Variants in DNAAF11 observed in about 807,000 individuals in gnomAD.
DNAAF11 encodes the protein dynein axonemal assembly factor 11.
DNAAF11 carries 45 observed loss-of-function variants against 60.8 expected under a neutral mutation model. That is an observed-to-expected ratio of 0.74 (90% CI 0.58 to 0.95). The LOEUF is 0.95. Ranked by LOEUF, DNAAF11 falls within the 40% of genes least tolerant of loss-of-function variation. The pLI is 0.00. For missense variants in DNAAF11, 546 were observed against 546.2 expected, an observed-to-expected ratio of 1.00 and a Z score of 0.00; for synonymous variants, 191 against 183.5, an observed-to-expected ratio of 1.04 and a Z score of -0.33.
At chr8:132,678,295 C>T (rs953915439), upstream of DNAAF11, among the ~76,000 whole-genome samples, 14 of 152,178 alleles carry the variant, frequency 9.2e-5, no homozygotes, top group African/African-American at 2.9e-4. Flanking sequence ...ATAAACCTAA[C>T]AATGCTGTAC....
At chr8:132,628,376 C>T (rs1563647966) in intron 5 of DNAAF11, among the ~76,000 whole-genome samples, 1 of 151,962 alleles carries the variant, frequency 6.6e-6, no homozygotes, top group Non-Finnish European at 1.5e-5. Context: ...TGCGCCATTG[C>T]ACTCCAGCCT....
rs1358268283 is a variant in DNAAF11 at position 132,571,064 on chromosome 8, C to G, written c.*1242G>C. Among the ~76,000 whole-genome samples the G allele has an allele frequency of 6.6e-6, 1 of 152,172 alleles. No homozygotes were observed. The highest frequency in any genetic ancestry group is 2.4e-5 in the African/African-American group (1 of 41,446). On this transcript the variant is annotated 3_prime_UTR_variant, in exon 12 of 12. Transcript: ENST00000620350. ...CCTATAACCAGTCCCTCATTCTCAT[C>G]ATATTTTTTTCTAACTGATGCATTT...
At chr8:132,633,587 T>C (rs1586642459) in intron 4 of DNAAF11, among the ~76,000 whole-genome samples, 1 of 152,138 alleles carries the variant, frequency 6.6e-6, no homozygotes, top group Non-Finnish European at 1.5e-5. Context: ...TAGGAAGGGG[T>C]GGTTGGAAGA....
At chr8:132,594,059 G>T (rs1050455781) in intron 10 of DNAAF11, among the ~76,000 whole-genome samples, 1 of 152,080 alleles carries the variant, frequency 6.6e-6, no homozygotes, top group Non-Finnish European at 1.5e-5. Context: ...CAAAACTTCT[G>T]CTTATTATAC....
At chr8:132,614,406 A>G (rs758510565) in intron 8 of DNAAF11, among the ~76,000 whole-genome samples, 3 of 152,232 alleles carry the variant, frequency 2.0e-5, no homozygotes, top group Non-Finnish European at 4.4e-5. Context: ...AATGAGGCAG[A>G]GTGACCTGCT....
intron 1 of DNAAF11, among the ~76,000 whole-genome samples, chr8:132,664,754 T>C (rs1824464521): frequency 6.6e-6 from 1 of 151,988 alleles, no homozygotes; most frequent in African/African-American, 2.4e-5. Flanking sequence ...TGTGAGCCAC[T>C]GCGACCAACC....
At chr8:132,666,158 G>T (rs1824605961) in intron 1 of DNAAF11, among the ~76,000 whole-genome samples, 1 of 152,154 alleles carries the variant, frequency 6.6e-6, no homozygotes. Flanking sequence ...TCACTGTTTG[G>T]GTTAGGGGTT....
At chr8:132,699,747 G>C in the DNAAF11 span, among the ~76,000 whole-genome samples, 1 of 152,050 alleles carries the variant, frequency 6.6e-6, no homozygotes, top group Non-Finnish European at 1.5e-5. Flanking sequence ...CCAAACAGTG[G>C]ACTATTATTC....
chr8:132,600,677 G>T (rs1385090818), intron 10 of DNAAF11, among the ~76,000 whole-genome samples: 1 of 152,142 alleles, frequency 6.6e-6, no homozygotes, highest in African/African-American at 2.4e-5. Flanking sequence ...ATGGGGAAAG[G>T]ATTCCCTATT....
intron 3 of DNAAF11, among the ~76,000 whole-genome samples, chr8:132,638,534 T>C (rs551833865): frequency 2.6e-5 from 4 of 152,308 alleles, no homozygotes; most frequent in Non-Finnish European, 5.9e-5. Context: ...GTGGGACATA[T>C]TTCATCTTGG....
At chr8:132,678,152 T>A (rs1482873022), upstream of DNAAF11, among the ~76,000 whole-genome samples, 1 of 152,162 alleles carries the variant, frequency 6.6e-6, no homozygotes, top group Non-Finnish European at 1.5e-5. Context: ...ACCCTTTAAA[T>A]TATCAGGCCC....
At chr8:132,701,163 T>C in the DNAAF11 span, among the ~76,000 whole-genome samples, 1 of 152,156 alleles carries the variant, frequency 6.6e-6, no homozygotes, top group East Asian at 1.9e-4. Flanking sequence ...ACTGTTACAA[T>C]GGCAATTACA....
the DNAAF11 span, among the ~76,000 whole-genome samples, chr8:132,688,653 T>C: frequency 6.6e-6 from 1 of 152,080 alleles, no homozygotes; most frequent in South Asian, 2.1e-4. Context: ...ACCACTGAAG[T>C]AGAGAAGCCT....
At position 132,661,533 on chromosome 8, in the gene DNAAF11, T is replaced by C; in HGVS notation, c.105A>G (p.Arg35=). Residue 35 remains arginine, a synonymous_variant, in exon 2 of 12, where the codon AGA becomes AGG. Coordinates refer to ENST00000620350, the MANE Select transcript of DNAAF11 (RefSeq NM_012472.6). ...GGCACCATTTATCAATGTGTTCTAG[T>C]CTTTCTATTTCTTGCTGATGCAACG... ...ELSLHQQEIE[R]LEHIDKWCRD... 6.2e-7 allele frequency: 1 copy of C among 1,613,804 alleles called. No individual in the cohort carries two copies. Among genetic ancestry groups the C allele is most frequent in the Non-Finnish European group, 8.5e-7 (1 of 1,179,680 alleles).
At chr8:132,693,361 C>T in the DNAAF11 span, among the ~76,000 whole-genome samples, 1 of 152,038 alleles carries the variant, frequency 6.6e-6, no homozygotes, top group African/African-American at 2.4e-5. Context: ...AGAATACATA[C>T]ATGTGTATGT....
At chr8:132,589,451 G>A (rs1006928388) in intron 10 of DNAAF11, among the ~76,000 whole-genome samples, 4 of 152,142 alleles carry the variant, frequency 2.6e-5, no homozygotes, top group South Asian at 2.1e-4. Flanking sequence ...TTTTACACAC[G>A]TCCTTATTTT....
At chr8:132,593,328 CATACATATATATATAT>C (rs1332320577) in intron 10 of DNAAF11, among the ~76,000 whole-genome samples, 1 of 67,566 alleles carries the variant, frequency 1.5e-5, no homozygotes, top group Non-Finnish European at 2.7e-5. Flanking sequence ...AGAATATATA[CATACATATATATATAT>C]ATATATATAT....
At chr8:132,612,539 A>G (rs1818774199) in intron 8 of DNAAF11, among the ~76,000 whole-genome samples, 1 of 152,082 alleles carries the variant, frequency 6.6e-6, no homozygotes, top group Non-Finnish European at 1.5e-5. Context: ...CTCCCCGCAC[A>G]GCATTATTCC....
At chr8:132,631,796 A>G (rs1434161386) in intron 5 of DNAAF11, among the ~76,000 whole-genome samples, 1 of 152,116 alleles carries the variant, frequency 6.6e-6, no homozygotes, top group Non-Finnish European at 1.5e-5. Flanking sequence ...GTTCTCACTC[A>G]TAGGTGGGAA....
Sources: gnomAD v4.1 joint callset for allele counts (sites outside exome capture counted in the v4.1 genomes callset) on GRCh38, gnomAD v4.1.1 for gene constraint, MANE v1.5 for transcripts, NCBI Gene and HGNC (gene_info 2026-07-23, HGNC 2026-07-21) for gene names.